The following ZFAND6 variants were observed in gnomAD, a reference collection of about 807,000 sequenced individuals.
ZFAND6 encodes the protein zinc finger AN1-type containing 6.
In ZFAND6, 12 loss-of-function variants were observed where a neutral mutation model predicts 24.5. That is an observed-to-expected ratio of 0.49 (90% confidence interval 0.31 to 0.79). ZFAND6 has a LOEUF of 0.79. Among genes scored for constraint, ZFAND6 ranks in the 30% least tolerant of loss-of-function variants. The pLI is 0.04. For missense variants in ZFAND6, 207 were observed against 245.9 expected, an observed-to-expected ratio of 0.84 and a Z score of 1.06; for synonymous variants, 92 against 81.5, an observed-to-expected ratio of 1.13 and a Z score of -0.69.
At chr15:80,059,119 C>T (rs1408706073), upstream of ZFAND6, among the ~76,000 whole-genome samples, 1 of 152,262 alleles carries the variant, frequency 6.6e-6, no homozygotes, top group African/African-American at 2.4e-5. Flanking sequence ...CAGGACAGGG[C>T]AGAGAACTGC....
intron 1 of ZFAND6, among the ~76,000 whole-genome samples, chr15:80,082,310 GTAT>G (rs1453698962): frequency 8.5e-5 from 13 of 152,322 alleles, no homozygotes; most frequent in East Asian, 5.8e-4. Flanking sequence ...CATGAGATGG[GTAT>G]TATTGTTGTG....
chr15:80,107,107 C>T (rs1030982839), intron 2 of ZFAND6, among the ~76,000 whole-genome samples: 5 of 151,950 alleles, frequency 3.3e-5, no homozygotes, highest in African/African-American at 9.7e-5. Flanking sequence ...CTCAGCTAGT[C>T]GGGAGGCTGA....
chr15:80,136,638 T>C (rs981512424), intron 6 of ZFAND6, among the ~76,000 whole-genome samples: 2 of 152,184 alleles, frequency 1.3e-5, no homozygotes, highest in Non-Finnish European at 2.9e-5. Flanking sequence ...AAGTTAAAAA[T>C]GTGGCAATGG....
intron 2 of ZFAND6, among the ~76,000 whole-genome samples, chr15:80,110,315 A>C (rs28830201): frequency 6.6e-6 from 1 of 152,228 alleles, no homozygotes; most frequent in African/African-American, 2.4e-5. Context: ...ATTTAAAAAT[A>C]AGATACACCA....
At chr15:80,087,930 CTA>C (rs1242805790) in intron 1 of ZFAND6, among the ~76,000 whole-genome samples, 2 of 152,062 alleles carry the variant, frequency 1.3e-5, no homozygotes, top group Non-Finnish European at 2.9e-5. Context: ...CATATGCATG[CTA>C]TGTTTTTCTG....
intron 2 of ZFAND6, among the ~76,000 whole-genome samples, chr15:80,118,283 C>T (rs1002459937): frequency 3.3e-5 from 5 of 151,444 alleles, no homozygotes; most frequent in African/African-American, 4.9e-5. Context: ...CCGCCACACC[C>T]GGCTAGTTTT....
intron 2 of ZFAND6, among the ~76,000 whole-genome samples, chr15:80,102,431 A>G (rs527606874): frequency 2.6e-5 from 4 of 152,286 alleles, no homozygotes; most frequent in African/African-American, 7.2e-5. Context: ...TTACTTTTGA[A>G]TAAAGGTATT....
chr15:80,134,112 C>G (rs11633530), intron 6 of ZFAND6, among the ~76,000 whole-genome samples: 81,064 of 151,766 alleles, frequency 0.53, 23,591 homozygotes, highest in Non-Finnish European at 0.66. Flanking sequence ...CTCAGCCTCC[C>G]TAGTAGCTGG....
chr15:80,102,923 T>A (rs1358757285), intron 2 of ZFAND6, among the ~76,000 whole-genome samples: 2 of 152,240 alleles, frequency 1.3e-5, no homozygotes, highest in East Asian at 3.8e-4. Flanking sequence ...ATTTTAAAAA[T>A]CTTTGGAAAA....
intron 1 of ZFAND6, among the ~76,000 whole-genome samples, chr15:80,096,999 A>ATTTTT (rs766620204): frequency 7.2e-6 from 1 of 138,774 alleles, no homozygotes; most frequent in African/African-American, 2.7e-5. Context: ...AATGTGTTAG[A>ATTTTT]TTTTTTTTTT....
chr15:80,071,522 A>G (rs1471233469), intron 1 of ZFAND6, among the ~76,000 whole-genome samples: 2 of 152,170 alleles, frequency 1.3e-5, no homozygotes, highest in Non-Finnish European at 2.9e-5. Flanking sequence ...TAATTAAAAT[A>G]TATAAACTTA....
intron 1 of ZFAND6, chr15:80,060,768 A>G (rs12148054): frequency 0.047 from 7,207 of 152,320 alleles, 221 homozygotes; most frequent in Middle Eastern, 0.095. Context: ...CTAAAAATAC[A>G]AAAATTAGCT....
At chr15:80,114,823 A>G (rs552790220) in intron 2 of ZFAND6, among the ~76,000 whole-genome samples, 1 of 152,342 alleles carries the variant, frequency 6.6e-6, no homozygotes, top group Admixed American at 6.5e-5. Context: ...TAAAGGAAAA[A>G]CAAATTTTTT....
chr15:80,120,238 T>G, intron 2 of ZFAND6, 90 bp from the exon 3 acceptor site: 1 of 1,151,034 alleles, frequency 8.7e-7, no homozygotes, highest in African/African-American at 1.6e-5. Context: ...ATATGTGGGC[T>G]TTTTTCTTTA....
chr15:80,101,627 A>G (rs2039037080), intron 2 of ZFAND6, among the ~76,000 whole-genome samples: 2 of 152,270 alleles, frequency 1.3e-5, no homozygotes, highest in East Asian at 1.9e-4. Context: ...TATTTGCATT[A>G]AACATGACAT....
chr15:80,076,060 A>G (rs1171211916), intron 1 of ZFAND6, among the ~76,000 whole-genome samples: 1 of 152,072 alleles, frequency 6.6e-6, no homozygotes, highest in Non-Finnish European at 1.5e-5. Flanking sequence ...TCTTTTGCAA[A>G]TGTTTCTCCT....
At chr15:80,129,524 A>G (rs2040506302) in intron 5 of ZFAND6, 1 of 152,230 alleles carries the variant, frequency 6.6e-6, no homozygotes, top group Non-Finnish European at 1.5e-5. Flanking sequence ...CATCCTTCTC[A>G]ATGGCCTTAC....
rs533322986 is a variant in ZFAND6 at position 80,110,211 on chromosome 15, T to G, written c.-17-10117T>G. On this transcript the variant is annotated intron_variant, in intron 2 of 6. Transcript: ENST00000261749. ...ATCTCCCAGACCAACACTGATAAAA[T>G]GTGGGAAGGAACTGCATGAGGCCTG... is the stretch of plus-strand genomic sequence containing the variant. 3.9e-5 allele frequency among the ~76,000 whole-genome samples: 6 copies of G among 152,194 alleles called. No homozygotes were observed. In the South Asian group the frequency reaches 1.2e-3, roughly 32 times the overall value.
intron 1 of ZFAND6, among the ~76,000 whole-genome samples, chr15:80,064,747 T>C (rs1025246185): frequency 6.6e-6 from 1 of 152,158 alleles, no homozygotes. Flanking sequence ...CTGAAGTGAT[T>C]ATCCCGCCTC....
Sources: gnomAD v4.1 joint callset for allele counts (sites outside exome capture counted in the v4.1 genomes callset) on GRCh38, gnomAD v4.1.1 for gene constraint, MANE v1.5 for transcripts, NCBI Gene and HGNC (gene_info 2026-07-23, HGNC 2026-07-21) for gene names.